The following DNAH7 variants were observed in gnomAD, a reference collection of about 807,000 sequenced individuals.
DNAH7 encodes axonemal beta dynein heavy chain 7.
In DNAH7, 397 loss-of-function variants were observed where a neutral mutation model predicts 444.6. The ratio of observed to expected loss-of-function variants is 0.89; its 90% CI spans 0.82 to 0.97. DNAH7 has a LOEUF of 0.97. Ranked by LOEUF, DNAH7 falls within the 50% of genes least tolerant of loss-of-function variation. The probability of loss-of-function intolerance (pLI) is 0.00; values close to 1 mark genes in which losing one functional copy is unlikely to be tolerated. For synonymous variants in DNAH7, 1,636 were observed against 1,624.4 expected (o/e 1.01, Z -0.17); for missense variants, 4,902 against 4,800.8 (o/e 1.02, Z -0.62).
chr2:195,920,725 T>TA (rs1473812860), intron 24 of DNAH7, among the ~76,000 whole-genome samples: 1 of 152,170 alleles, frequency 6.6e-6, no homozygotes, highest in African/African-American at 2.4e-5. Context: ...AGATGGGACT[T>TA]AATTAAACTA....
chr2:196,042,519 C>T (rs1194903415), intron 5 of DNAH7, among the ~76,000 whole-genome samples: 1 of 151,556 alleles, frequency 6.6e-6, no homozygotes. Context: ...CAGCAGCAAA[C>T]TACGCAATAA....
intron 28 of DNAH7, 84 bp from the exon 29 acceptor site, chr2:195,897,849 T>TAC (rs1702422184): frequency 3.0e-6 from 2 of 659,844 alleles, no homozygotes; most frequent in Non-Finnish European, 5.2e-6. Flanking sequence ...CACACAAACC[T>TAC]ACAGACCCTG....
chr2:195,909,956 T>G (rs1478804152), intron 25 of DNAH7, 71 bp downstream of exon 25: 2 of 1,419,294 alleles, frequency 1.4e-6, no homozygotes, highest in Non-Finnish European at 1.9e-6. Flanking sequence ...TTGTATTCAA[T>G]TATGTTGCAT....
chr2:195,886,414 T>G, intron 33 of DNAH7, 142 bp from the exon 34 acceptor site: 1 of 694,022 alleles, frequency 1.4e-6, no homozygotes, highest in Non-Finnish European at 2.3e-6. Flanking sequence ...TAGGTACTAT[T>G]ATTACAATTC....
chr2:195,912,795 G>C (rs1687440099), intron 24 of DNAH7, among the ~76,000 whole-genome samples: 1 of 152,098 alleles, frequency 6.6e-6, no homozygotes. Flanking sequence ...TCCAATACTG[G>C]GGGAAGCAAA....
Position 196,046,896 on chromosome 2 carries a change from G to A in DNAH7, c.398+456C>T, listed in dbSNP as rs140544111. On this transcript the variant is annotated intron_variant, in intron 5 of 64. Transcript: ENST00000312428. The stretch of plus-strand genomic sequence containing the variant: ...CAAGGCAAAGAAGAGCTGGTGACTT[G>A]CATCTGCCTTGCTCTTTATGAACTG... Among the ~76,000 whole-genome samples, 318 of 152,304 alleles carry A rather than the reference G, an allele frequency of 2.1e-3. 1 individual carries two copies. The highest frequency in any genetic ancestry group is 7.2e-3 in the African/African-American group (298 of 41,560).
chr2:195,967,172 A>T (rs747921245), intron 17 of DNAH7, among the ~76,000 whole-genome samples: 9 of 152,172 alleles, frequency 5.9e-5, no homozygotes, highest in Non-Finnish European at 8.8e-5. Context: ...ATAATATCTT[A>T]TAACCCATGA....
Position 195,889,967 on chromosome 2 carries a change from A to G in DNAH7, c.5047-986T>C, listed in dbSNP as rs1160177388. 3.3e-5 allele frequency among the ~76,000 whole-genome samples: 5 copies of G among 152,258 alleles called. No individual in the cohort carries two copies. In the East Asian group the frequency reaches 9.6e-4, roughly 29 times the overall value. Reference sequence around the variant, plus strand: ...AGTAAATGCTCAACAGATATGAAACAGTAGCCAGGTATTAGCCAGAGTGTA... The same window carrying G: ...AGTAAATGCTCAACAGATATGAAACGGTAGCCAGGTATTAGCCAGAGTGTA... On this transcript the variant is annotated intron_variant, in intron 31 of 64. Transcript: ENST00000312428.
At chr2:195,836,373 T>C (rs556107343) in intron 47 of DNAH7, among the ~76,000 whole-genome samples, 1 of 152,150 alleles carries the variant, frequency 6.6e-6, no homozygotes, top group Admixed American at 6.5e-5. Context: ...TTAGCAGGCA[T>C]GGTGGCAGGC....
intron 5 of DNAH7, among the ~76,000 whole-genome samples, chr2:196,045,907 A>G (rs535960446): frequency 6.6e-6 from 1 of 152,234 alleles, no homozygotes; most frequent in South Asian, 2.1e-4. Context: ...CATATATGAG[A>G]AATACCAATA....
intron 40 of DNAH7, 56 bp downstream of exon 40, chr2:195,872,194 G>T: frequency 7.5e-7 from 1 of 1,330,226 alleles, no homozygotes; most frequent in Non-Finnish European, 1.1e-6. Context: ...CCCAGTTGTT[G>T]GCATGGCAAA....
Position 195,737,907 on chromosome 2 carries a change from A to T in DNAH7, c.*14T>A. 6.2e-7 allele frequency: 1 copy of T among 1,611,920 alleles called. No homozygotes were observed. Among genetic ancestry groups the T allele is most frequent in the Non-Finnish European group, 8.5e-7 (1 of 1,178,166 alleles). On this transcript the variant is annotated 3_prime_UTR_variant, in exon 65 of 65. Coordinates refer to ENST00000312428, the MANE Select transcript of DNAH7 (RefSeq NM_018897.3). ...GCCAACAAGAAATAGGAACAAGGAA[A>T]TGATGTCTTCTGGTTATGAATTAAG...
intron 48 of DNAH7, among the ~76,000 whole-genome samples, chr2:195,827,955 A>T (rs1697861112): frequency 6.6e-6 from 1 of 152,138 alleles, no homozygotes; most frequent in Admixed American, 6.5e-5. Context: ...GGCTTTCTCA[A>T]AATAAAGAGA....
intron 58 of DNAH7, among the ~76,000 whole-genome samples, chr2:195,785,141 G>A (rs1695556733): frequency 6.6e-6 from 1 of 152,110 alleles, no homozygotes; most frequent in Non-Finnish European, 1.5e-5. Flanking sequence ...TCGATCTCCT[G>A]ACCTCGTGAT....
intron 58 of DNAH7, among the ~76,000 whole-genome samples, chr2:195,786,293 T>A (rs1460245122): frequency 6.6e-6 from 1 of 152,258 alleles, no homozygotes. Flanking sequence ...AAACTAAATT[T>A]GAACAAAATT....
rs747667354 is a variant in DNAH7, at chr2:196,027,985, GCGGT to G, written c.457_460del (p.Thr153LeufsTer4). 1 of 1,612,434 alleles carries G rather than the reference GCGGT, an allele frequency of 6.2e-7. No individual in the cohort carries two copies. Among genetic ancestry groups the G allele is most frequent in the Non-Finnish European group, 8.5e-7 (1 of 1,179,014 alleles). ...CAAGATGTCTTTCTCTATAGCAGAA[GCGGT>G]CGGTTTTGGAATTGTGCTTCCATCA... On this transcript the variant is annotated frameshift_variant, in exon 6 of 65. Coordinates refer to ENST00000312428, the MANE Select transcript of DNAH7 (RefSeq NM_018897.3). LOFTEE classifies it high-confidence loss of function.
At chr2:195,855,137 T>C (rs1381284264) in intron 45 of DNAH7, among the ~76,000 whole-genome samples, 3 of 152,226 alleles carry the variant, frequency 2.0e-5, no homozygotes, top group Admixed American at 6.5e-5. Flanking sequence ...CAAAAGGTTA[T>C]TGTGAGAATA....
chr2:195,879,831 G>T (rs1259539794), intron 36 of DNAH7, among the ~76,000 whole-genome samples: 2 of 152,022 alleles, frequency 1.3e-5, no homozygotes, highest in Non-Finnish European at 2.9e-5. Flanking sequence ...ATTAAATATT[G>T]TATTTGTTAA....
intron 19 of DNAH7, among the ~76,000 whole-genome samples, chr2:195,944,641 A>G (rs1168807954): frequency 1.5e-4 from 23 of 152,160 alleles, no homozygotes; most frequent in Non-Finnish European, 2.9e-4. Context: ...TATCTTTCAC[A>G]TAACAGATCT....
Sources: gnomAD v4.1 joint callset for allele counts (sites outside exome capture counted in the v4.1 genomes callset) on GRCh38, gnomAD v4.1.1 for gene constraint, MANE v1.5 for transcripts, NCBI Gene and HGNC (gene_info 2026-07-23, HGNC 2026-07-21) for gene names.